Variants in NOS1AP observed in about 807,000 individuals in gnomAD.
NOS1AP encodes the protein carboxyl-terminal PDZ ligand of neuronal nitric oxide synthase protein.
NOS1AP carries 21 observed loss-of-function variants against 56.2 expected under a neutral mutation model. That is an observed-to-expected ratio of 0.37 (90% confidence interval 0.26 to 0.54). The LOEUF (loss-of-function observed/expected upper bound fraction) is 0.54, where lower values mean the gene tolerates loss of function less well. NOS1AP is among the 20% of genes least tolerant of loss of function. NOS1AP has a pLI of 0.84. For synonymous variants in NOS1AP, 270 were observed against 274.6 expected, an observed-to-expected ratio of 0.98 and a Z score of 0.17; for missense variants, 522 against 657.8, an observed-to-expected ratio of 0.79 and a Z score of 2.26.
At chr1:162,251,869 G>GTTTTTTTTT (rs57313228) in intron 2 of NOS1AP, among the ~76,000 whole-genome samples, 28 of 82,138 alleles carry the variant, frequency 3.4e-4, no homozygotes, top group Admixed American at 8.1e-4. Flanking sequence ...TTTTTTTTTT[G>GTTTTTTTTT]TTTTTTTTTT....
intron 4 of NOS1AP, among the ~76,000 whole-genome samples, chr1:162,330,883 T>G (rs149990132): frequency 1.3e-5 from 2 of 152,288 alleles, no homozygotes; most frequent in East Asian, 3.9e-4. Context: ...GCAAGGAACT[T>G]GCTCCTGAGT....
chr1:162,369,208 T>C lies in NOS1AP; in HGVS notation c.*1741T>C, dbSNP rs1360941623. 6.6e-6 allele frequency: 1 copy of C among 152,214 alleles called. No homozygotes were observed. The highest frequency in any genetic ancestry group is 1.5e-5 in the Non-Finnish European group (1 of 68,046). 9.4% of individuals were successfully genotyped at this position (152,214 alleles called of 1,614,324 possible). ...AGGGTGTTTGAATCAGCAACAGATT[T>C]GTGTTTTCTAACATGCATTTAGTTG... On this transcript the variant is annotated 3_prime_UTR_variant, in exon 10 of 10. Coordinates refer to ENST00000361897, the MANE Select transcript of NOS1AP (RefSeq NM_014697.3).
intron 2 of NOS1AP, among the ~76,000 whole-genome samples, chr1:162,263,292 A>G (rs1654296353): frequency 6.6e-6 from 1 of 152,154 alleles, no homozygotes; most frequent in Non-Finnish European, 1.5e-5. Context: ...AGATCACGGT[A>G]CTGGCCTCTG....
intron 1 of NOS1AP, among the ~76,000 whole-genome samples, chr1:162,116,041 A>T (rs1047361105): frequency 2.6e-5 from 4 of 152,186 alleles, no homozygotes; most frequent in African/African-American, 9.7e-5. Flanking sequence ...GATTGAAAGG[A>T]TATTCAAGCT....
At chr1:162,125,300 A>G (rs550057710) in intron 1 of NOS1AP, among the ~76,000 whole-genome samples, 1 of 151,804 alleles carries the variant, frequency 6.6e-6, no homozygotes, top group African/African-American at 2.4e-5. Context: ...TGCCCAGCTA[A>G]TTTTTGTATT....
chr1:162,189,752 G>A (rs914107947), intron 2 of NOS1AP, among the ~76,000 whole-genome samples: 6 of 152,204 alleles, frequency 3.9e-5, no homozygotes, highest in Admixed American at 6.5e-5. Context: ...AGAGGGTAAT[G>A]TGACGGAGAG....
At chr1:162,358,363 A>G (rs1442212215) in intron 8 of NOS1AP, among the ~76,000 whole-genome samples, 1 of 152,184 alleles carries the variant, frequency 6.6e-6, no homozygotes, top group Non-Finnish European at 1.5e-5. Flanking sequence ...CCTGAGATGC[A>G]AGGCTCATGG....
chr1:162,289,571 T>G (rs975431680), intron 3 of NOS1AP, among the ~76,000 whole-genome samples: 2 of 140,222 alleles, frequency 1.4e-5, no homozygotes, highest in African/African-American at 2.7e-5. Flanking sequence ...GCCTCCCGGG[T>G]TCACGCCATT....
chr1:162,193,622 C>G (rs570226920), intron 2 of NOS1AP, among the ~76,000 whole-genome samples: 68 of 152,132 alleles, frequency 4.5e-4, no homozygotes, highest in African/African-American at 1.6e-3. Context: ...CCAAGAGACT[C>G]TAACTTCTCT....
chr1:162,354,095 G>A (rs1309215223), intron 6 of NOS1AP, among the ~76,000 whole-genome samples: 2 of 152,218 alleles, frequency 1.3e-5, no homozygotes, highest in Non-Finnish European at 2.9e-5. Flanking sequence ...ACTTGTGTAG[G>A]TTTGCATAGG....
chr1:162,321,731 A>AAAATATATAT (rs1480278757), intron 4 of NOS1AP, among the ~76,000 whole-genome samples: 57 of 128,486 alleles, frequency 4.4e-4, no homozygotes, highest in Non-Finnish European at 7.5e-4. Flanking sequence ...AAAAAAAAAA[A>AAAATATATAT]ATATATATAT....
intron 8 of NOS1AP, chr1:162,360,771 C>T (rs1379002644): frequency 2.2e-6 from 1 of 456,018 alleles, no homozygotes; most frequent in Admixed American, 2.3e-5. Context: ...CTGCCATGTG[C>T]ATGCTGAGAC....
chr1:162,149,260 T>C (rs1014677369), intron 1 of NOS1AP, among the ~76,000 whole-genome samples: 5 of 152,192 alleles, frequency 3.3e-5, no homozygotes, highest in Non-Finnish European at 7.4e-5. Context: ...CCTGTAGGAA[T>C]TGACAGAGCC....
At chr1:162,213,341 GT>G (rs887360451) in intron 2 of NOS1AP, among the ~76,000 whole-genome samples, 10 of 152,146 alleles carry the variant, frequency 6.6e-5, no homozygotes, top group Non-Finnish European at 1.5e-4. Flanking sequence ...CTTTAATCCA[GT>G]GGTGGTTATA....
chr1:162,271,637 C>T (rs1243801597), intron 2 of NOS1AP, among the ~76,000 whole-genome samples: 2 of 152,212 alleles, frequency 1.3e-5, no homozygotes, highest in South Asian at 4.1e-4. Flanking sequence ...GTCATCATGA[C>T]CAGCCAGCTC....
chr1:162,160,664 GC>G (rs1180141566), intron 2 of NOS1AP, among the ~76,000 whole-genome samples: 7 of 151,960 alleles, frequency 4.6e-5, no homozygotes, highest in East Asian at 3.9e-4. Context: ...TCCCTAAGTG[GC>G]CCCCCTCAGC....
chr1:162,177,796 C>T (rs1651116560), intron 2 of NOS1AP, among the ~76,000 whole-genome samples: 1 of 152,106 alleles, frequency 6.6e-6, no homozygotes, highest in Non-Finnish European at 1.5e-5. Context: ...TTAAACATTC[C>T]ACACCAGAAT....
chr1:162,093,719 A>G (rs1692180959), intron 1 of NOS1AP, among the ~76,000 whole-genome samples: 1 of 105,866 alleles, frequency 9.4e-6, no homozygotes, highest in Admixed American at 1.0e-4. Flanking sequence ...CACCCTGGCT[A>G]ACTTTTTATT....
At chr1:162,251,066 TTTTG>T (rs57225935) in intron 2 of NOS1AP, among the ~76,000 whole-genome samples, 9,795 of 151,122 alleles carry the variant, frequency 0.065, 408 homozygotes, top group African/African-American at 0.12. Flanking sequence ...TCCTGAGCTT[TTTTG>T]TTTGTTTGTT....
Sources: allele counts gnomAD v4.1 joint callset (sites outside exome capture counted in the v4.1 genomes callset), GRCh38; gene constraint gnomAD v4.1.1; transcripts MANE v1.5; gene names NCBI Gene and HGNC (gene_info 2026-07-23, HGNC 2026-07-21).